KRT10: variants seen among roughly 807,000 people sequenced by gnomAD.
The protein encoded by KRT10 is keratin, type I cytoskeletal 10.
A neutral mutation model predicts 59.2 loss-of-function variants in KRT10; 40 were observed. The observed-to-expected ratio is 0.68, with a 90% CI of 0.52 to 0.88. The LOEUF is 0.88. Ranked by LOEUF, KRT10 falls within the 40% of genes least tolerant of loss-of-function variation. KRT10 has a pLI of 0.00. For synonymous variants in KRT10, 336 were observed against 310.7 expected, an observed-to-expected ratio of 1.08 and a Z score of -0.86; for missense variants, 719 against 749.1, an observed-to-expected ratio of 0.96 and a Z score of 0.47.
At chr17:40,818,621 C>G in intron 7 of KRT10, 139 bp from the exon 8 acceptor site, 1 of 1,306,124 alleles carries the variant, frequency 7.7e-7, no homozygotes, top group Non-Finnish European at 1.1e-6. Flanking sequence ...ACATTTTGAT[C>G]ATGCCATTTT....
chr17:40,820,810 G>T, intron 2 of KRT10, 143 bp from the exon 3 acceptor site: 1 of 1,041,460 alleles, frequency 9.6e-7, no homozygotes, highest in Non-Finnish European at 1.4e-6. Flanking sequence ...AAGTAATAGT[G>T]GTTTAATGGA....
intron 1 of KRT10, 121 bp downstream of exon 1, chr17:40,821,838 T>C: frequency 9.3e-7 from 1 of 1,073,504 alleles, no homozygotes; most frequent in Non-Finnish European, 1.4e-6. Context: ...TGGGTTATTT[T>C]TGAAGGAAGA....
At position 40,819,669 on chromosome 17, in the gene KRT10, A is replaced by C. The variant is rs1305110313; in HGVS notation, c.1221T>G (p.Ile407Met). The change falls in exon 6 of 8, where the codon ATT (isoleucine) becomes ATG (methionine). Residue 407 changes from isoleucine (I) to methionine (M), a missense_variant. Physicochemically the swap from Ile to Met is conservative, Grantham distance 10. Transcript: ENST00000269576. ...CTTCCAGAGCGGATATCTGGGCCTG[A>C]ATCTGTGAGAGCTGCACACAGTAGC... Reference protein sequence around the residue: ...EGRYCVQLSQIQAQISALEEQ... With the variant: ...EGRYCVQLSQMQAQISALEEQ... The C allele has an allele frequency of 6.2e-7, 1 of 1,614,174 alleles. No homozygotes were observed. The highest frequency in any genetic ancestry group is 1.1e-5 in the South Asian group (1 of 91,074).
intron 5 of KRT10, 130 bp from the exon 6 acceptor site, chr17:40,819,864 G>T: frequency 9.2e-7 from 1 of 1,090,816 alleles, no homozygotes; most frequent in Non-Finnish European, 1.4e-6. Context: ...ATGTTTAATG[G>T]CACCATTTCA....
chr17:40,818,921 G>T lies in KRT10; in HGVS notation c.1614C>A (p.Gly538=), dbSNP rs771762056. 682 of 1,395,572 alleles carry T rather than the reference G, an allele frequency of 4.9e-4. 83 individuals are homozygous for T. The highest frequency in any genetic ancestry group is 1.6e-3 in the South Asian group (112 of 68,232). The allele number at this position is 1,395,572 out of a possible 1,614,324, so 86.4% of individuals were successfully genotyped here. A position where few individuals can be genotyped will look rare whatever the true frequency, so the allele number is the denominator to read the frequency against. The change falls in exon 7 of 8, where the codon GGC becomes GGA. Residue 538 remains glycine (G), a synonymous_variant. Coordinates refer to ENST00000269576, the MANE Select transcript of KRT10 (RefSeq NM_000421.5). ...AGCTGCCGCCCCCGTAGCCGCCGCC[G>T]CCGCCGCCGGAACTGCCACCACCGT... is the stretch of plus-strand genomic sequence containing the variant. ...GGYGGGSSGG[G]GGGYGGGSSG... is the part of the protein sequence containing the mutation.
In KRT10 at chr17:40,821,085, G is replaced by C. The variant is rs745768608; in HGVS notation, c.660C>G (p.Ile220Met). 3.7e-6 allele frequency: 6 copies of C among 1,613,912 alleles called. No homozygotes were observed. Among genetic ancestry groups the C allele is most frequent in the Non-Finnish European group, 3.4e-6 (4 of 1,179,916 alleles). The stretch of plus-strand genomic sequence containing the variant: ...GCCTGGCATTGTCGATCTGAAGCAG[G>C]ATGTTGGCATTATCAGTTGTTAGGT... Reference protein sequence around the residue: ...ILNLTTDNANILLQIDNARLA... With the variant: ...ILNLTTDNANMLLQIDNARLA... The change falls in exon 2 of 8, where the codon ATC becomes ATG. Residue 220 changes from isoleucine (I) to methionine (M), a missense_variant. Coordinates refer to ENST00000269576, the MANE Select transcript of KRT10 (RefSeq NM_000421.5).
intron 1 of KRT10, 21 bp downstream of exon 1, chr17:40,821,938 G>A (rs751181844): frequency 1.2e-6 from 2 of 1,612,714 alleles, no homozygotes; most frequent in African/African-American, 1.3e-5. Flanking sequence ...ACTTAAAGCT[G>A]GATTTAAAAA....
In KRT10 at chr17:40,820,252, A is replaced by G; in HGVS notation, c.1029+10T>C. The stretch of plus-strand genomic sequence containing the variant: ...CTCCATGAGTTTCACTATAAGGAAG[A>G]TTACTTTACCTTTTCATTGAACCAG... On this transcript the variant is annotated intron_variant, in intron 4 of 7. Coordinates refer to ENST00000269576, the MANE Select transcript of KRT10 (RefSeq NM_000421.5). The G allele has an allele frequency of 1.9e-6, 3 of 1,614,212 alleles. No homozygotes were observed. Among genetic ancestry groups the G allele is most frequent in the African/African-American group, 2.7e-5 (2 of 75,056 alleles).
chr17:40,822,296 C>T lies in KRT10; in HGVS notation c.290G>A (p.Ser97Asn). 29 of 1,598,390 alleles carry T rather than the reference C, an allele frequency of 1.8e-5. No homozygotes were observed. The highest frequency in any genetic ancestry group is 2.5e-5 in the Non-Finnish European group (29 of 1,170,376). Reference sequence around the variant, plus strand: ...GCCCCCTCCAAAGATGCCTCCATAACTCCCACCAAAGCTGCTACTTCCATA... The same window carrying T: ...GCCCCCTCCAAAGATGCCTCCATAATTCCCACCAAAGCTGCTACTTCCATA... ...GSYGSSSFGG[S>N]YGGIFGGGSF... The change falls in exon 1 of 8, where the codon AGT becomes AAT. Residue 97 changes from serine to asparagine, a missense_variant. Physicochemically the swap from Ser to Asn is conservative, Grantham distance 46. This residue lies in a region of KRT10 where 176 missense variants were observed against 175.7 expected (regional missense o/e 1.00). Transcript: ENST00000269576.
intron 6 of KRT10, 77 bp downstream of exon 6, chr17:40,819,440 C>A: frequency 7.0e-7 from 1 of 1,420,014 alleles, no homozygotes; most frequent in Middle Eastern, 2.0e-4. Flanking sequence ...CTGGCATCTT[C>A]TTGGGGTTTA....
chr17:40,820,606 C>T lies in KRT10; in HGVS notation c.772G>A (p.Val258Met), dbSNP rs1386493200. ...VEADINGLRR[V>M]LDELTLTKAD... ...TTGGTCAGGGTCAGCTCATCCAGCACCCTACGCAGGCCGTTGATGTCAGCC... is the reference window on the plus strand; with the variant it reads ...TTGGTCAGGGTCAGCTCATCCAGCATCCTACGCAGGCCGTTGATGTCAGCC... The change falls in exon 3 of 8, where the codon GTG (valine) becomes ATG (methionine). Residue 258 changes from valine (V) to methionine (M), a missense_variant. This residue lies in a region of KRT10 where 221 missense variants were observed against 277.8 expected (regional missense o/e 0.80). Coordinates refer to ENST00000269576, the MANE Select transcript of KRT10 (RefSeq NM_000421.5). 15 of 1,614,114 alleles carry T rather than the reference C, an allele frequency of 9.3e-6. No individual in the cohort carries two copies. The highest frequency in any genetic ancestry group is 2.2e-5 in the East Asian group (1 of 44,896).
rs202036121 is a variant in KRT10, at chr17:40,820,477, C to T, written c.867+34G>A. 135 of 1,614,198 alleles carry T rather than the reference C, an allele frequency of 8.4e-5. 1 individual carries two copies. The South Asian group carries it at 9.6e-4, about 11-fold the overall frequency. Reference sequence around the variant, plus strand: ...CTACACGAGGACCATAATGAACTCTCTTTTGGCTGGGAAAAGTATAACTTT... The same window carrying T: ...CTACACGAGGACCATAATGAACTCTTTTTTGGCTGGGAAAAGTATAACTTT... On this transcript the variant is annotated intron_variant, in intron 3 of 7. Transcript: ENST00000269576.
At chr17:40,818,558 A>T (rs1905153713) in intron 7 of KRT10, 76 bp from the exon 8 acceptor site, 2 of 1,284,810 alleles carry the variant, frequency 1.6e-6, no homozygotes, top group Non-Finnish European at 2.3e-6. Flanking sequence ...TATTGTAAAA[A>T]GAAGGAAATT....
rs547362688 is a variant in KRT10 at position 40,818,277 on chromosome 17, T to G, written c.*199A>C. ...ACCTTATTTTCAAGGTCTATTTCCATAGACCATCAAGACAGAAGTGTTTTC... is the reference window on the plus strand; with the variant it reads ...ACCTTATTTTCAAGGTCTATTTCCAGAGACCATCAAGACAGAAGTGTTTTC... On this transcript the variant is annotated 3_prime_UTR_variant, in exon 8 of 8. Coordinates refer to ENST00000269576, the MANE Select transcript of KRT10 (RefSeq NM_000421.5). 5.7e-5 allele frequency: 38 copies of G among 664,578 alleles called. No homozygotes were observed. The African/African-American group carries it at 6.7e-4, about 12-fold the overall frequency. 41.2% of individuals were successfully genotyped at this position (664,578 alleles called of 1,614,324 possible).
At chr17:40,821,880 C>T (rs928350926) in intron 1 of KRT10, 79 bp downstream of exon 1, 25 of 1,455,228 alleles carry the variant, frequency 1.7e-5, no homozygotes, top group Non-Finnish European at 2.3e-5. Context: ...TGAACAGCCA[C>T]ATTGTGCTTA....
chr17:40,821,161 A>AT (rs1905360448), intron 1 of KRT10, 44 bp from the exon 2 acceptor site: 7 of 1,423,370 alleles, frequency 4.9e-6, no homozygotes, highest in Non-Finnish European at 7.0e-6. Flanking sequence ...TCAGATGCAG[A>AT]TATGGCTTTT....
rs185881153 is a variant in KRT10, at chr17:40,820,637, G to A, written c.741C>T (p.Ser247=). 15 of 1,614,176 alleles carry A rather than the reference G, an allele frequency of 9.3e-6. No homozygotes were observed. In the East Asian group the frequency reaches 2.0e-4, roughly 22 times the overall value. Residue 247 remains serine (S), a synonymous_variant, in exon 3 of 8, where the codon AGC becomes AGT. Coordinates refer to ENST00000269576, the MANE Select transcript of KRT10 (RefSeq NM_000421.5). ...GCAGGCCGTTGATGTCAGCCTCCAC[G>A]CTCTGGCGCAGAGCTACCTCATTCT... is the stretch of plus-strand genomic sequence containing the variant. ...KYENEVALRQ[S]VEADINGLRR...
chr17:40,822,487 G>GGAT lies in KRT10; in HGVS notation c.96_98dup (p.Ser33dup). On this transcript the variant is annotated inframe_insertion, in exon 1 of 8. Transcript: ENST00000269576. ...AGCCTTTGCTGCTAGAAATTCTTAG[G>GGAT]GATGACACTCCTCCTCCTCCTCCAC... is the stretch of plus-strand genomic sequence containing the variant. 6.2e-7 allele frequency: 1 copy of GGAT among 1,613,180 alleles called. No individual in the cohort carries two copies. Among genetic ancestry groups the GGAT allele is most frequent in the Non-Finnish European group, 8.5e-7 (1 of 1,179,884 alleles).
In KRT10 at chr17:40,822,273, C is replaced by T. The variant is rs1905455888; in HGVS notation, c.313G>A (p.Gly105Ser). Reference protein sequence around the residue: ...GGSYGGIFGGGSFGGGSFGGG... With the variant: ...GGSYGGIFGGSSFGGGSFGGG... ...CCAAAGCTGCCACCTCCGAAACTGC[C>T]CCCTCCAAAGATGCCTCCATAACTC... The change falls in exon 1 of 8, where the codon GGC becomes AGC. Residue 105 changes from glycine (G) to serine (S), a missense_variant. By Grantham distance (56) the Gly-to-Ser change is moderately conservative (BLOSUM62 0). Coordinates refer to ENST00000269576, the MANE Select transcript of KRT10 (RefSeq NM_000421.5). 3.7e-6 allele frequency: 6 copies of T among 1,600,914 alleles called. No individual in the cohort carries two copies. Among genetic ancestry groups the T allele is most frequent in the Non-Finnish European group, 5.1e-6 (6 of 1,170,936 alleles).
Sources: allele counts gnomAD v4.1 joint callset, GRCh38; gene constraint gnomAD v4.1.1; regional missense constraint gnomAD v4.1.1; transcripts MANE v1.5; gene names NCBI Gene and HGNC (gene_info 2026-07-23, HGNC 2026-07-21).